SRPK2: variants seen among roughly 807,000 people sequenced by gnomAD.
The protein encoded by SRPK2 is SFRS protein kinase 2.
Under a neutral mutation model 90.8 loss-of-function variants are expected in SRPK2, and 21 were observed. The observed-to-expected ratio is 0.23, with a 90% CI of 0.16 to 0.33. The LOEUF (loss-of-function observed/expected upper bound fraction) is 0.33, where lower values mean the gene tolerates loss of function less well. SRPK2 is among the 10% of genes least tolerant of loss of function. The pLI, the probability that SRPK2 is intolerant of heterozygous loss-of-function variation, is 1.00. For missense variants in SRPK2, 620 were observed against 869.0 expected, an observed-to-expected ratio of 0.71 and a Z score of 3.60; for synonymous variants, 288 against 311.1, an observed-to-expected ratio of 0.93 and a Z score of 0.78.
At chr7:105,180,459 T>C (rs1331692858) in intron 3 of SRPK2, among the ~76,000 whole-genome samples, 4 of 152,052 alleles carry the variant, frequency 2.6e-5, no homozygotes, top group Non-Finnish European at 5.9e-5. Context: ...CCTAAAACTA[T>C]AAAAACCCTG....
chr7:105,358,716 GGAAGA>G (rs1375357095), intron 2 of SRPK2, among the ~76,000 whole-genome samples: 4 of 152,044 alleles, frequency 2.6e-5, no homozygotes, highest in South Asian at 2.1e-4. Flanking sequence ...AAAATCATAA[GGAAGA>G]GAAAATATAT....
chr7:105,347,630 G>A (rs1427343125), intron 2 of SRPK2, among the ~76,000 whole-genome samples: 1 of 151,994 alleles, frequency 6.6e-6, no homozygotes, highest in Non-Finnish European at 1.5e-5. Context: ...GAGGCGGGAG[G>A]ATCGCTTGAG....
At chr7:105,335,096 A>T (rs959356615) in intron 2 of SRPK2, among the ~76,000 whole-genome samples, 1 of 151,972 alleles carries the variant, frequency 6.6e-6, no homozygotes, top group African/African-American at 2.4e-5. Context: ...GCTTGAACCC[A>T]GGAGGCAGAG....
intron 2 of SRPK2, among the ~76,000 whole-genome samples, chr7:105,379,888 G>A (rs981835285): frequency 2.6e-5 from 4 of 152,182 alleles, no homozygotes; most frequent in Admixed American, 1.3e-4. Context: ...TGAGGCAGGA[G>A]AATGGCTTGA....
chr7:105,301,481 A>C (rs1000090091), intron 2 of SRPK2: 2 of 1,054,976 alleles, frequency 1.9e-6, no homozygotes, highest in Non-Finnish European at 2.9e-6. Flanking sequence ...CGTTGTTGCA[A>C]GCACCGTCCA....
chr7:105,248,180 C>T (rs1563142238), intron 2 of SRPK2, among the ~76,000 whole-genome samples: 5 of 152,034 alleles, frequency 3.3e-5, no homozygotes, highest in Admixed American at 2.6e-4. Flanking sequence ...AAATCATCTC[C>T]GGAAAAGGTT....
chr7:105,226,654 T>C (rs1798746921), intron 2 of SRPK2, among the ~76,000 whole-genome samples: 1 of 152,076 alleles, frequency 6.6e-6, no homozygotes, highest in Non-Finnish European at 1.5e-5. Context: ...AAAGAAGGCC[T>C]TTTTTCAAGT....
intron 3 of SRPK2, among the ~76,000 whole-genome samples, chr7:105,201,858 T>C (rs1478584217): frequency 6.6e-6 from 1 of 151,868 alleles, no homozygotes; most frequent in Non-Finnish European, 1.5e-5. Flanking sequence ...CACTCCAGCC[T>C]GGGCAACAGA....
chr7:105,194,018 A>G (rs1419470923), intron 3 of SRPK2, among the ~76,000 whole-genome samples: 2 of 152,222 alleles, frequency 1.3e-5, no homozygotes, highest in Non-Finnish European at 2.9e-5. Context: ...AATGTATTGC[A>G]AAGAGCTTCT....
chr7:105,274,728 C>T (rs1458977103), intron 2 of SRPK2, among the ~76,000 whole-genome samples: 1 of 152,002 alleles, frequency 6.6e-6, no homozygotes. Context: ...TGCTTCCTTG[C>T]CCCTCCCTAG....
chr7:105,291,796 C>T (rs1338150567), intron 2 of SRPK2, among the ~76,000 whole-genome samples: 6 of 151,784 alleles, frequency 4.0e-5, no homozygotes, highest in Admixed American at 1.3e-4. Context: ...GAAAGTAAAG[C>T]GAGAGGAAAA....
chr7:105,384,629 T>A (rs1821322738), intron 2 of SRPK2, among the ~76,000 whole-genome samples: 1 of 152,310 alleles, frequency 6.6e-6, no homozygotes, highest in East Asian at 1.9e-4. Context: ...GGAAAATTAA[T>A]CAAAAAGCAA....
intron 2 of SRPK2, among the ~76,000 whole-genome samples, chr7:105,270,532 C>A (rs552830552): frequency 3.3e-5 from 5 of 151,898 alleles, no homozygotes; most frequent in African/African-American, 1.2e-4. Context: ...CTCAGCCTCC[C>A]GGGTAGCTGG....
At chr7:105,201,706 T>C (rs1163848602) in intron 3 of SRPK2, among the ~76,000 whole-genome samples, 2 of 150,574 alleles carry the variant, frequency 1.3e-5, no homozygotes, top group African/African-American at 2.4e-5. Context: ...CTCAGGAGGC[T>C]GAGGTGGGAG....
At chr7:105,195,757 T>A (rs559027382) in intron 3 of SRPK2, among the ~76,000 whole-genome samples, 1 of 152,316 alleles carries the variant, frequency 6.6e-6, no homozygotes, top group South Asian at 2.1e-4. Context: ...AGCCCTCACA[T>A]ATCTTCCCTT....
At position 105,233,132 on chromosome 7, in the gene SRPK2, GAA is replaced by G. The variant is rs775332741; in HGVS notation, c.72-29349_72-29348del. ...GGAAGGAAGGAAGGAAGGAAGGAAG[GAA>G]GGAAGGAAGGAAGGAAGGGGAAAGG... On this transcript the variant is annotated intron_variant, in intron 2 of 15. Coordinates refer to ENST00000393651, the MANE Select transcript of SRPK2 (RefSeq NM_182692.3). Among the ~76,000 whole-genome samples, 201 of 149,978 alleles carry G rather than the reference GAA, an allele frequency of 1.3e-3. 3 individuals are homozygous for G. Among genetic ancestry groups the G allele is most frequent in the African/African-American group, 4.6e-3 (189 of 40,782 alleles).
intron 3 of SRPK2, among the ~76,000 whole-genome samples, chr7:105,175,348 T>A (rs1044451059): frequency 6.8e-6 from 1 of 147,520 alleles, no homozygotes; most frequent in Non-Finnish European, 1.5e-5. Flanking sequence ...GAAAACTTAA[T>A]ATATCAGAAT....
chr7:105,392,161 A>C (rs1299714985), upstream of SRPK2, among the ~76,000 whole-genome samples: 2 of 152,228 alleles, frequency 1.3e-5, no homozygotes, highest in East Asian at 3.8e-4. Flanking sequence ...GCAAATCTAC[A>C]GAAAGCAGAT....
chr7:105,165,537 T>C (rs1322262173), intron 6 of SRPK2, among the ~76,000 whole-genome samples: 2 of 152,178 alleles, frequency 1.3e-5, no homozygotes, highest in Non-Finnish European at 2.9e-5. Flanking sequence ...GGATTGTAAA[T>C]GCACCAATCA....
Sources: gnomAD v4.1 joint callset for allele counts (sites outside exome capture counted in the v4.1 genomes callset) on GRCh38, gnomAD v4.1.1 for gene constraint, MANE v1.5 for transcripts, NCBI Gene and HGNC (gene_info 2026-07-23, HGNC 2026-07-21) for gene names.